The following LDLRAD4 variants were observed in gnomAD, a reference collection of about 807,000 sequenced individuals.
LDLRAD4 encodes the protein low-density lipoprotein receptor class A domain-containing protein 4.
LDLRAD4 carries 5 observed loss-of-function variants against 17.0 expected under a neutral mutation model. The ratio of observed to expected loss-of-function variants is 0.29; its 90% CI spans 0.15 to 0.62. The LOEUF is 0.62. Among genes scored for constraint, LDLRAD4 ranks in the 20% least tolerant of loss-of-function variants. LDLRAD4 has a pLI of 0.84. For synonymous variants in LDLRAD4, 168 were observed against 171.8 expected (o/e 0.98, Z 0.17); for missense variants, 340 against 424.7 (o/e 0.80, Z 1.75).
chr18:13,259,622 G>A (rs2043698211), intron 1 of LDLRAD4, among the ~76,000 whole-genome samples: 1 of 152,116 alleles, frequency 6.6e-6, no homozygotes. Context: ...ATTGGTATGT[G>A]GTTTTGGTTC....
intron 1 of LDLRAD4, among the ~76,000 whole-genome samples, chr18:13,358,250 A>T (rs1339554642): frequency 6.6e-6 from 1 of 152,074 alleles, no homozygotes; most frequent in East Asian, 1.9e-4. Flanking sequence ...AGAGCCAGGG[A>T]TGTATGTGTG....
chr18:13,225,594 TG>T (rs1355011665), intron 1 of LDLRAD4, among the ~76,000 whole-genome samples: 18 of 152,244 alleles, frequency 1.2e-4, no homozygotes, highest in Non-Finnish European at 2.2e-4. Flanking sequence ...GTGCAAGGCC[TG>T]TCTTGGGGTA....
chr18:13,564,357 A>G (rs1257549971), intron 3 of LDLRAD4, among the ~76,000 whole-genome samples: 2 of 151,754 alleles, frequency 1.3e-5, no homozygotes, highest in Non-Finnish European at 2.9e-5. Context: ...CTAAAGGTAA[A>G]TTGCACATCT....
intron 3 of LDLRAD4, among the ~76,000 whole-genome samples, chr18:13,553,796 C>G (rs1255164273): frequency 6.6e-6 from 1 of 152,184 alleles, no homozygotes; most frequent in Non-Finnish European, 1.5e-5. Context: ...ACATGTTCCC[C>G]CCTTTACTGT....
At chr18:13,478,541 G>A (rs376764698) in intron 3 of LDLRAD4, among the ~76,000 whole-genome samples, 1 of 152,158 alleles carries the variant, frequency 6.6e-6, no homozygotes, top group Non-Finnish European at 1.5e-5. Flanking sequence ...ATTTATAATA[G>A]CATGCAAGAA....
chr18:13,483,356 C>T (rs1355523621), intron 3 of LDLRAD4, among the ~76,000 whole-genome samples: 1 of 152,212 alleles, frequency 6.6e-6, no homozygotes, highest in Non-Finnish European at 1.5e-5. Flanking sequence ...TTGAAGCTCC[C>T]ATCTCCAAGT....
intron 3 of LDLRAD4, among the ~76,000 whole-genome samples, chr18:13,474,361 C>G (rs988712543): frequency 2.1e-5 from 3 of 146,024 alleles, no homozygotes; most frequent in African/African-American, 7.3e-5. Context: ...CTAGGTCAGC[C>G]TGCAAAAACC....
rs1219299588 is a variant in LDLRAD4 at position 13,552,908 on chromosome 18, GTTA to G, written c.182-68203_182-68201del. Among the ~76,000 whole-genome samples, 6 of 152,242 alleles carry G rather than the reference GTTA, an allele frequency of 3.9e-5. No individual in the cohort carries two copies. The South Asian group carries it at 1.2e-3, about 32-fold the overall frequency. ...TTTGCTGCCCAAAAAAGTTCCTAGAGTTATTATTGGTTAGGTTGAAATTAACCA... is the reference window on the plus strand; with the variant it reads ...TTTGCTGCCCAAAAAAGTTCCTAGAGTTATTGGTTAGGTTGAAATTAACCA... On this transcript the variant is annotated intron_variant, in intron 3 of 5. Coordinates refer to ENST00000359446, the Ensembl canonical transcript of LDLRAD4.
At chr18:13,437,306 G>A (rs1363246100) in intron 2 of LDLRAD4, among the ~76,000 whole-genome samples, 1 of 152,238 alleles carries the variant, frequency 6.6e-6, no homozygotes, top group Non-Finnish European at 1.5e-5. Context: ...GGGCCGTGCT[G>A]TGTGAATCCT....
intron 2 of LDLRAD4, among the ~76,000 whole-genome samples, chr18:13,425,594 C>T (rs1237408784): frequency 6.6e-6 from 1 of 152,136 alleles, no homozygotes; most frequent in Non-Finnish European, 1.5e-5. Context: ...AGTGGTTTTT[C>T]CAGGTAGATG....
chr18:13,292,119 A>G (rs907892873), intron 1 of LDLRAD4, among the ~76,000 whole-genome samples: 1 of 152,176 alleles, frequency 6.6e-6, no homozygotes, highest in East Asian at 1.9e-4. Flanking sequence ...CCTGGCCTCT[A>G]GGAGCTTGCC....
At chr18:13,445,694 G>A (rs538815358) in intron 3 of LDLRAD4, among the ~76,000 whole-genome samples, 4 of 151,414 alleles carry the variant, frequency 2.6e-5, no homozygotes, top group South Asian at 2.1e-4. Context: ...ATGTGTGTAG[G>A]TGAGGGTGTG....
At chr18:13,450,539 A>G in intron 3 of LDLRAD4, among the ~76,000 whole-genome samples, 1 of 152,154 alleles carries the variant, frequency 6.6e-6, no homozygotes, top group East Asian at 1.9e-4. Flanking sequence ...TATTTTTCTG[A>G]GTATTGAATG....
intron 1 of LDLRAD4, among the ~76,000 whole-genome samples, chr18:13,336,883 C>A (rs1456127024): frequency 6.6e-6 from 1 of 152,122 alleles, no homozygotes; most frequent in Non-Finnish European, 1.5e-5. Context: ...TACTCACTAG[C>A]AACATTCTAG....
intron 1 of LDLRAD4, among the ~76,000 whole-genome samples, chr18:13,272,718 A>G (rs2044636093): frequency 1.3e-5 from 2 of 152,344 alleles, no homozygotes; most frequent in East Asian, 1.9e-4. Context: ...TGTAGGAGCC[A>G]TGGCCAGTGC....
intron 3 of LDLRAD4, among the ~76,000 whole-genome samples, chr18:13,618,095 C>T (rs1346497672): frequency 1.3e-5 from 2 of 152,214 alleles, no homozygotes; most frequent in East Asian, 3.8e-4. Context: ...GAACAGCCAC[C>T]AGCTGGAGAA....
chr18:13,583,589 C>T (rs575969956), intron 3 of LDLRAD4, among the ~76,000 whole-genome samples: 1 of 152,206 alleles, frequency 6.6e-6, no homozygotes, highest in East Asian at 1.9e-4. Flanking sequence ...CATAATATCA[C>T]CACGTTCAAC....
intron 3 of LDLRAD4, among the ~76,000 whole-genome samples, chr18:13,501,618 G>A (rs1423859722): frequency 6.6e-6 from 1 of 151,038 alleles, no homozygotes; most frequent in Non-Finnish European, 1.5e-5. Flanking sequence ...AGGGTGTGTT[G>A]TGAAAAGTCT....
intron 4 of LDLRAD4, among the ~76,000 whole-genome samples, chr18:13,625,866 C>A (rs1237976019): frequency 1.4e-5 from 2 of 146,428 alleles, no homozygotes; most frequent in Non-Finnish European, 3.0e-5. Flanking sequence ...CCTCCACCAG[C>A]AACCTCCTCC....
Sources: gnomAD v4.1 joint callset for allele counts (sites outside exome capture counted in the v4.1 genomes callset) on GRCh38, gnomAD v4.1.1 for gene constraint, MANE v1.5 for transcripts, NCBI Gene and HGNC (gene_info 2026-07-23, HGNC 2026-07-21) for gene names.